Variants in WDR33 observed in about 807,000 individuals in gnomAD.
WDR33 encodes the protein pre-mRNA 3' end processing protein WDR33.
A neutral mutation model predicts 164.9 loss-of-function variants in WDR33; 47 were observed. The observed-to-expected ratio is 0.29, with a 90% confidence interval of 0.23 to 0.36. The LOEUF is 0.36. Ranked by LOEUF, WDR33 falls within the 10% of genes least tolerant of loss-of-function variation. The pLI is 1.00. For synonymous variants in WDR33, 505 were observed against 589.0 expected, an observed-to-expected ratio of 0.86 and a Z score of 2.06; for missense variants, 1,137 against 1,754.1, an observed-to-expected ratio of 0.65 and a Z score of 6.28.
intron 1 of WDR33, among the ~76,000 whole-genome samples, chr2:127,799,875 G>A (rs918747028): frequency 6.6e-6 from 1 of 152,158 alleles, no homozygotes; most frequent in Non-Finnish European, 1.5e-5. Flanking sequence ...CTGGGCAACA[G>A]AGTGAGACCC....
chr2:127,798,367 C>CAAAAAAAAAAAAA (rs61568967), intron 1 of WDR33, among the ~76,000 whole-genome samples: 1 of 19,300 alleles, frequency 5.2e-5, no homozygotes, highest in Non-Finnish European at 1.2e-4. Context: ...GACACCGTCG[C>CAAAAAAAAAAAAA]AAAAAAAAAA....
chr2:127,762,840 T>A, intron 7 of WDR33: 1 of 1,353,198 alleles, frequency 7.4e-7, no homozygotes, highest in Non-Finnish European at 9.5e-7. Context: ...ACTCTTGTAT[T>A]TAATTTACAG....
At chr2:127,804,296 G>C (rs572288245) in intron 1 of WDR33, among the ~76,000 whole-genome samples, 34 of 152,204 alleles carry the variant, frequency 2.2e-4, no homozygotes, top group Admixed American at 2.2e-3. Context: ...GGGAGACAGA[G>C]CGAGACTCTG....
chr2:127,763,635 T>A lies in WDR33; in HGVS notation c.627-476A>T, dbSNP rs571580567. Reference sequence around the variant, plus strand: ...CTATTAAAAGACTGATTGCTAAACATCCCTACATACAATGTTTCTCATCCA... The same window carrying A: ...CTATTAAAAGACTGATTGCTAAACAACCCTACATACAATGTTTCTCATCCA... On this transcript the variant is annotated intron_variant, in intron 6 of 21. Transcript: ENST00000322313. The surrounding 1 kb of genome is among the most constrained non-coding windows in gnomAD (Gnocchi z 4.5). The A allele has an allele frequency of 1.0e-6, 1 of 988,934 alleles. No individual in the cohort carries two copies. Among genetic ancestry groups the A allele is most frequent in the Admixed American group, 5.9e-5 (1 of 16,808 alleles). The allele number at this position is 988,934 out of a possible 1,614,324, so 61.3% of individuals were successfully genotyped here. A position where few individuals can be genotyped will look rare whatever the true frequency, so the allele number is the denominator to read the frequency against.
chr2:127,778,975 G>C (rs746288756), intron 1 of WDR33, among the ~76,000 whole-genome samples: 17 of 152,132 alleles, frequency 1.1e-4, no homozygotes, highest in Non-Finnish European at 1.5e-5. Context: ...TTTACTGAAT[G>C]CTTCATACAA....
At chr2:127,737,663 C>A (rs777464358) in intron 7 of WDR33, 11 of 1,037,034 alleles carry the variant, frequency 1.1e-5, no homozygotes, top group Non-Finnish European at 1.3e-5. Context: ...ATGACTGAAG[C>A]CCCTGGTAAG....
At chr2:127,798,094 G>A (rs1309364798) in intron 1 of WDR33, among the ~76,000 whole-genome samples, 1 of 151,838 alleles carries the variant, frequency 6.6e-6, no homozygotes, top group East Asian at 1.9e-4. Flanking sequence ...TAAGCCGGGC[G>A]TGGTGGCTCA....
intron 1 of WDR33, among the ~76,000 whole-genome samples, chr2:127,808,222 G>A (rs1172005720): frequency 3.9e-5 from 6 of 151,984 alleles, no homozygotes; most frequent in Non-Finnish European, 5.9e-5. Flanking sequence ...CTATATATGA[G>A]GCACTTTTTA....
Position 127,719,615 on chromosome 2 carries a change from C to T in WDR33, c.2410G>A (p.Gly804Ser), listed in dbSNP as rs1686381225. ...CCTCTCATCTCTTGAGGCGGGTGGCCCATAATCATCCCTTGGGGAGCAGGA... is the reference window on the plus strand; with the variant it reads ...CCTCTCATCTCTTGAGGCGGGTGGCTCATAATCATCCCTTGGGGAGCAGGA... ...QGPAPQGMIM[G>S]HPPQEMRGPH... The change falls in exon 16 of 22, where the codon GGC (glycine) becomes AGC (serine). Residue 804 changes from glycine (G) to serine (S), a missense_variant. By Grantham distance (56) the Gly-to-Ser change is moderately conservative. This residue lies in a region of WDR33 where 867 missense variants were observed against 1,073.0 expected (regional missense o/e 0.81). Coordinates refer to ENST00000322313, the MANE Select transcript of WDR33 (RefSeq NM_018383.5). The surrounding 1 kb of genome is among the most constrained non-coding windows in gnomAD (Gnocchi z 6.5). 17 of 1,613,546 alleles carry T rather than the reference C, an allele frequency of 1.1e-5. No individual in the cohort carries two copies. The highest frequency in any genetic ancestry group is 1.7e-5 in the Admixed American group (1 of 59,964).
At chr2:127,755,116 T>C (rs1171751589) in intron 7 of WDR33, among the ~76,000 whole-genome samples, 2 of 152,192 alleles carry the variant, frequency 1.3e-5, no homozygotes, top group Non-Finnish European at 2.9e-5. Context: ...AACCCTGGAA[T>C]TGAGGTTGGT....
At chr2:127,750,672 AAAAAAATATATATATATAT>A (rs1558936714) in intron 7 of WDR33, among the ~76,000 whole-genome samples, 5 of 67,388 alleles carry the variant, frequency 7.4e-5, no homozygotes, top group African/African-American at 4.2e-4. Context: ...AAAAAAAAAA[AAAAAAATATATATATATAT>A]ATATATATAT....
Position 127,719,628 on chromosome 2 carries a change from T to C in WDR33, c.2397A>G (p.Gln799=). The C allele has an allele frequency of 1.9e-6, 3 of 1,613,872 alleles. No homozygotes were observed. The highest frequency in any genetic ancestry group is 1.7e-5 in the Admixed American group (1 of 59,998). The change falls in exon 16 of 22, where the codon CAA becomes CAG. Residue 799 remains glutamine, a synonymous_variant. Coordinates refer to ENST00000322313, the MANE Select transcript of WDR33 (RefSeq NM_018383.5). The surrounding 1 kb of genome is among the most constrained non-coding windows in gnomAD (Gnocchi z 6.5). ...GPRENQGPAP[Q]GMIMGHPPQE... ...GAGGCGGGTGGCCCATAATCATCCC[T>C]TGGGGAGCAGGACCCTGGTTCTCCC...
At position 127,720,219 on chromosome 2, in the gene WDR33, T is replaced by C. The variant is rs200243722; in HGVS notation, c.1806A>G (p.Gln602=). ...GPMSQIPQGF[Q]QPHPSQQMPM... is the part of the protein sequence containing the mutation. The stretch of plus-strand genomic sequence containing the variant: ...GCATCTGCTGAGATGGATGGGGCTG[T>C]TGAAAACCTTGAGGAATCTGAGACA... The change falls in exon 16 of 22, where the codon CAA becomes CAG. Residue 602 remains glutamine (Q), a synonymous_variant. Transcript: ENST00000322313. This position sits in a 1 kb window ranked among gnomAD's most constrained non-coding sequence, Gnocchi z 5.9. 1.1e-5 allele frequency: 17 copies of C among 1,601,546 alleles called. No individual in the cohort carries two copies. Among genetic ancestry groups the C allele is most frequent in the African/African-American group, 2.7e-5 (2 of 74,412 alleles).
At chr2:127,788,689 A>G (rs1236145946) in intron 1 of WDR33, among the ~76,000 whole-genome samples, 3 of 131,794 alleles carry the variant, frequency 2.3e-5, no homozygotes, top group East Asian at 2.7e-4. Flanking sequence ...ACGGCTGGCC[A>G]GGTGGGGGGC....
intron 7 of WDR33, among the ~76,000 whole-genome samples, chr2:127,750,758 A>G (rs4306671): frequency 4.1e-4 from 51 of 123,070 alleles, no homozygotes; most frequent in South Asian, 1.5e-3. Context: ...ATATATGTAT[A>G]CATACATATA....
At chr2:127,749,100 G>A (rs1687245036) in intron 7 of WDR33, among the ~76,000 whole-genome samples, 1 of 152,142 alleles carries the variant, frequency 6.6e-6, no homozygotes, top group South Asian at 2.1e-4. Flanking sequence ...ACTTTGGGAG[G>A]CCAAGATGGG....
chr2:127,806,200 TTTTC>T (rs966942170), intron 1 of WDR33, among the ~76,000 whole-genome samples: 4 of 148,386 alleles, frequency 2.7e-5, no homozygotes, highest in African/African-American at 5.0e-5. Flanking sequence ...CTTTAGTTGT[TTTTC>T]TTTTTCTTTT....
intron 1 of WDR33, among the ~76,000 whole-genome samples, chr2:127,806,238 C>T (rs1403986141): frequency 2.2e-5 from 3 of 135,260 alleles, no homozygotes; most frequent in Non-Finnish European, 3.1e-5. Flanking sequence ...GAGACAGTCT[C>T]GCTCTGTTGC....
intron 1 of WDR33, among the ~76,000 whole-genome samples, chr2:127,779,840 G>C (rs2105458008): frequency 6.6e-6 from 1 of 152,294 alleles, no homozygotes; most frequent in Admixed American, 6.5e-5. Flanking sequence ...CCACTAATCA[G>C]AGCTTCCAAT....
Sources: gnomAD v4.1 joint callset for allele counts (sites outside exome capture counted in the v4.1 genomes callset) on GRCh38, gnomAD v4.1.1 for gene constraint, gnomAD v4.1.1 regional missense constraint, Gnocchi (gnomAD v3.1) non-coding constraint, MANE v1.5 for transcripts, NCBI Gene and HGNC (gene_info 2026-07-23, HGNC 2026-07-21) for gene names.